Variants in CALN1 observed in about 807,000 individuals in gnomAD.
CALN1 encodes calcium-binding protein 8.
CALN1 carries 17 observed loss-of-function variants against 30.6 expected under a neutral mutation model. That is an observed-to-expected ratio of 0.56 (90% CI 0.38 to 0.83). The LOEUF (loss-of-function observed/expected upper bound fraction) is 0.83, where lower values mean the gene tolerates loss of function less well. Ranked by LOEUF, CALN1 falls within the 40% of genes least tolerant of loss-of-function variation. The pLI is 0.00. For missense variants in CALN1, 291 were observed against 354.9 expected (o/e 0.82, Z 1.45); for synonymous variants, 156 against 131.4 (o/e 1.19, Z -1.28).
the CALN1 span, among the ~76,000 whole-genome samples, chr7:72,499,873 C>G: frequency 4.7e-4 from 30 of 64,324 alleles, 3 homozygotes; most frequent in Admixed American, 2.9e-3. Context: ...TTCTTTCTTT[C>G]TTTCTTTCTT....
chr7:72,429,759 C>T (rs868464587), intron 1 of CALN1, among the ~76,000 whole-genome samples: 3 of 119,564 alleles, frequency 2.5e-5, no homozygotes, highest in East Asian at 3.7e-4. Flanking sequence ...ATATACACAT[C>T]TGTATATATA....
intron 5 of CALN1, among the ~76,000 whole-genome samples, chr7:71,838,295 C>T (rs1168189459): frequency 6.6e-6 from 1 of 152,132 alleles, no homozygotes; most frequent in African/African-American, 2.4e-5. Flanking sequence ...TTTTTTAAGT[C>T]TAGTGTTTGC....
chr7:71,837,683 G>A (rs1239355518), intron 5 of CALN1, among the ~76,000 whole-genome samples: 1 of 152,082 alleles, frequency 6.6e-6, no homozygotes, highest in Non-Finnish European at 1.5e-5. Context: ...CAAAACAAGG[G>A]GTTCAAGAAT....
At chr7:72,498,490 C>T in the CALN1 span, among the ~76,000 whole-genome samples, 2 of 151,982 alleles carry the variant, frequency 1.3e-5, no homozygotes, top group Admixed American at 1.3e-4. Context: ...ACTTTGTACT[C>T]AATAAATGGA....
intron 5 of CALN1, among the ~76,000 whole-genome samples, chr7:71,959,022 TGTTA>T (rs1391464137): frequency 6.6e-6 from 1 of 152,160 alleles, no homozygotes; most frequent in Non-Finnish European, 1.5e-5. Context: ...TTGGGTCACT[TGTTA>T]GTTATAAAAG....
the CALN1 span, among the ~76,000 whole-genome samples, chr7:72,490,606 T>C: frequency 5.1e-4 from 77 of 152,300 alleles, no homozygotes; most frequent in African/African-American, 1.8e-3. Flanking sequence ...GGGAGGTGAC[T>C]GGATCATGGG....
Position 72,271,564 on chromosome 7 carries a change from T to TAAAAAAAAAAAAA in CALN1, c.244+7121_244+7122insTTTTTTTTTTTTT, listed in dbSNP as rs1305576740. ...AGCATGAACCACTGTGCCTGCCTTT[T>TAAAAAAAAAAAAA]AAAAAAAAAAAATATATATATATAT... On this transcript the variant is annotated intron_variant, in intron 3 of 6. Coordinates refer to ENST00000395275, the MANE Select transcript of CALN1 (RefSeq NM_031468.4). 2.9e-4 allele frequency among the ~76,000 whole-genome samples: 19 copies of TAAAAAAAAAAAAA among 64,574 alleles called. 1 individual carries two copies. Among genetic ancestry groups the TAAAAAAAAAAAAA allele is most frequent in the South Asian group, 7.6e-4 (1 of 1,318 alleles). The allele number at this position is 64,574 out of a possible 152,430, so 42.4% of individuals were successfully genotyped here.
chr7:72,246,160 G>C (rs935529113), intron 3 of CALN1, among the ~76,000 whole-genome samples: 1 of 152,128 alleles, frequency 6.6e-6, no homozygotes, highest in African/African-American at 2.4e-5. Context: ...TGGGATGAAG[G>C]AATCAACTCC....
rs114922404 is a variant in CALN1, at chr7:71,905,356, G to C, written c.502-94864C>G. 3.3e-3 allele frequency among the ~76,000 whole-genome samples: 494 copies of C among 151,128 alleles called. 1 individual carries two copies. The highest frequency in any genetic ancestry group is 0.011 in the African/African-American group (473 of 41,250). On this transcript the variant is annotated intron_variant, in intron 5 of 6. Coordinates refer to ENST00000395275, the MANE Select transcript of CALN1 (RefSeq NM_031468.4). ...AGACTTCAGTGTACCCATCACCTGA[G>C]TAGTGTACATTGTACCTAATGTGTA...
chr7:71,894,141 T>C (rs562464452), intron 5 of CALN1, among the ~76,000 whole-genome samples: 78 of 152,192 alleles, frequency 5.1e-4, no homozygotes, highest in Non-Finnish European at 1.0e-3. Context: ...TAACCCTTAG[T>C]GATTTTTAGT....
chr7:71,976,536 C>G (rs111474653), intron 5 of CALN1, among the ~76,000 whole-genome samples: 1 of 152,146 alleles, frequency 6.6e-6, no homozygotes, highest in Non-Finnish European at 1.5e-5. Flanking sequence ...GAGCGCTGGG[C>G]GCAGGGATGG....
At chr7:71,892,888 A>AC (rs1554369356) in intron 5 of CALN1, among the ~76,000 whole-genome samples, 1 of 149,390 alleles carries the variant, frequency 6.7e-6, no homozygotes, top group Non-Finnish European at 1.5e-5. Flanking sequence ...GAACCACGTC[A>AC]TTTTTTTTTT....
intron 2 of CALN1, among the ~76,000 whole-genome samples, chr7:72,298,807 A>C (rs955556959): frequency 3.3e-5 from 5 of 150,532 alleles, no homozygotes; most frequent in Non-Finnish European, 7.4e-5. Flanking sequence ...TGGTTTTAAA[A>C]AAAAAAAAAA....
intron 2 of CALN1, among the ~76,000 whole-genome samples, chr7:72,285,381 T>C (rs567442179): frequency 4.6e-5 from 7 of 152,166 alleles, no homozygotes; most frequent in Admixed American, 4.6e-4. Flanking sequence ...GTAGCTGGGA[T>C]TACAGGCGCC....
intron 2 of CALN1, among the ~76,000 whole-genome samples, chr7:72,299,735 G>T (rs1328654408): frequency 1.5e-5 from 2 of 133,376 alleles, no homozygotes; most frequent in East Asian, 4.3e-4. Flanking sequence ...AGGTCCTGCT[G>T]TGTTGCCCAG....
chr7:72,341,866 A>G (rs1802401017), intron 2 of CALN1, among the ~76,000 whole-genome samples: 1 of 152,200 alleles, frequency 6.6e-6, no homozygotes, highest in Non-Finnish European at 1.5e-5. Flanking sequence ...TTACAAGTGA[A>G]TAGTCAACAC....
intron 5 of CALN1, among the ~76,000 whole-genome samples, chr7:71,860,759 AAGAC>A (rs909091933): frequency 1.3e-5 from 2 of 152,194 alleles, no homozygotes; most frequent in African/African-American, 4.8e-5. Flanking sequence ...TTGAAAGTGA[AAGAC>A]AGAAAACAGG....
chr7:72,311,887 A>T (rs1800080636), intron 2 of CALN1, among the ~76,000 whole-genome samples: 1 of 151,970 alleles, frequency 6.6e-6, no homozygotes, highest in Non-Finnish European at 1.5e-5. Context: ...AATAGGAATG[A>T]TCCAAAGAAA....
intron 5 of CALN1, among the ~76,000 whole-genome samples, chr7:72,014,420 T>C (rs1800265745): frequency 6.6e-6 from 1 of 152,080 alleles, no homozygotes; most frequent in Non-Finnish European, 1.5e-5. Context: ...CCTGACAACT[T>C]TGAGTATTAC....
Sources: gnomAD v4.1 joint callset for allele counts (sites outside exome capture counted in the v4.1 genomes callset) on GRCh38, gnomAD v4.1.1 for gene constraint, MANE v1.5 for transcripts, NCBI Gene and HGNC (gene_info 2026-07-23, HGNC 2026-07-21) for gene names.